ERC2: variants seen among roughly 807,000 people sequenced by gnomAD.
ERC2 encodes the protein ELKS/RAB6-interacting/CAST family member 2.
A neutral mutation model predicts 114.8 loss-of-function variants in ERC2; 42 were observed. That is an observed-to-expected ratio of 0.37 (90% CI 0.29 to 0.47). The LOEUF (loss-of-function observed/expected upper bound fraction) is 0.47, where lower values mean the gene tolerates loss of function less well. ERC2 is among the 20% of genes least tolerant of loss of function. The pLI is 0.99. For missense variants in ERC2, 939 were observed against 1,150.7 expected (o/e 0.82, Z 2.66); for synonymous variants, 454 against 425.5 (o/e 1.07, Z -0.82).
At chr3:56,059,397 A>G (rs922776789) in intron 7 of ERC2, among the ~76,000 whole-genome samples, 2 of 152,068 alleles carry the variant, frequency 1.3e-5, no homozygotes, top group African/African-American at 2.4e-5. Context: ...CCACATAGAG[A>G]TATTTATATG....
chr3:56,342,826 A>G (rs936262910), intron 2 of ERC2, among the ~76,000 whole-genome samples: 2 of 152,206 alleles, frequency 1.3e-5, no homozygotes, highest in African/African-American at 4.8e-5. Context: ...AGTCATTAAG[A>G]ATCTGAGAAA....
intron 14 of ERC2, among the ~76,000 whole-genome samples, chr3:55,754,494 A>G (rs1187345905): frequency 1.6e-5 from 2 of 128,146 alleles, no homozygotes; most frequent in Non-Finnish European, 3.5e-5. Context: ...CTTCAGAGCC[A>G]AAAAGCTTTC....
At chr3:55,766,500 C>T (rs2067803634) in intron 14 of ERC2, among the ~76,000 whole-genome samples, 1 of 152,074 alleles carries the variant, frequency 6.6e-6, no homozygotes, top group African/African-American at 2.4e-5. Context: ...GCTTTCCTGC[C>T]CAGCCTTGGA....
At chr3:55,719,525 A>C (rs2064324018) in intron 15 of ERC2, among the ~76,000 whole-genome samples, 1 of 151,922 alleles carries the variant, frequency 6.6e-6, no homozygotes, top group African/African-American at 2.4e-5. Flanking sequence ...GAAGATTAAG[A>C]CTCCTAAACT....
At chr3:55,538,437 C>T (rs140853971) in intron 17 of ERC2, among the ~76,000 whole-genome samples, 19 of 152,332 alleles carry the variant, frequency 1.2e-4, no homozygotes, top group South Asian at 4.1e-4. Flanking sequence ...AGCCTCAACT[C>T]GGATGCCGAG....
chr3:55,537,332 C>T (rs558159658), intron 17 of ERC2, among the ~76,000 whole-genome samples: 2 of 152,186 alleles, frequency 1.3e-5, no homozygotes, highest in Middle Eastern at 3.2e-3. Flanking sequence ...GGTTTCCCCC[C>T]CTGAAGTGAC....
chr3:56,254,098 G>C (rs568856594), intron 3 of ERC2, among the ~76,000 whole-genome samples: 3 of 152,232 alleles, frequency 2.0e-5, no homozygotes, highest in Non-Finnish European at 4.4e-5. Flanking sequence ...GAGGGCTAGC[G>C]CCCAAGTTTC....
intron 17 of ERC2, among the ~76,000 whole-genome samples, chr3:55,655,874 T>G (rs2060836331): frequency 6.6e-6 from 1 of 152,230 alleles, no homozygotes; most frequent in Non-Finnish European, 1.5e-5. Context: ...CTAAACCCTT[T>G]GCATTCTTTT....
intron 3 of ERC2, among the ~76,000 whole-genome samples, chr3:56,222,279 G>A (rs1375451963): frequency 6.6e-6 from 1 of 152,164 alleles, no homozygotes; most frequent in Non-Finnish European, 1.5e-5. Flanking sequence ...TGTGAGAAAT[G>A]TCCACAACAT....
At chr3:55,970,429 A>G (rs2069074910) in intron 12 of ERC2, among the ~76,000 whole-genome samples, 1 of 151,930 alleles carries the variant, frequency 6.6e-6, no homozygotes. Flanking sequence ...TACAAGAAAA[A>G]CTAACAGTCA....
intron 14 of ERC2, among the ~76,000 whole-genome samples, chr3:55,874,590 G>A (rs181851733): frequency 0.014 from 2,153 of 151,066 alleles, 46 homozygotes; most frequent in African/African-American, 0.05. Context: ...GATTTGTTAA[G>A]TCATTCTAAC....
At chr3:56,197,932 T>C (rs1018742557) in intron 3 of ERC2, among the ~76,000 whole-genome samples, 1 of 152,172 alleles carries the variant, frequency 6.6e-6, no homozygotes, top group Non-Finnish European at 1.5e-5. Context: ...GAAATATGCA[T>C]CTAGAAACAC....
At position 56,080,919 on chromosome 3, in the gene ERC2, T is replaced by C; in HGVS notation, c.1539A>G (p.Leu513=). ...TCCCCTTCTCTTCTGTGAGGTCCTGTAGCTGTTTTGTTTTTTTATTGAGGA... is the reference window on the plus strand; with the variant it reads ...TCCCCTTCTCTTCTGTGAGGTCCTGCAGCTGTTTTGTTTTTTTATTGAGGA... ...ESFLNKKTKQ[L]QDLTEEKGTL... Residue 513 remains leucine (L), a synonymous_variant, in exon 7 of 18, where the codon CTA becomes CTG. Coordinates refer to ENST00000288221, the MANE Select transcript of ERC2 (RefSeq NM_015576.3). The C allele has an allele frequency of 6.2e-7, 1 of 1,613,716 alleles. No homozygotes were observed. The highest frequency in any genetic ancestry group is 1.7e-5 in the Admixed American group (1 of 59,974).
intron 17 of ERC2, among the ~76,000 whole-genome samples, chr3:55,643,190 T>C (rs2060258770): frequency 6.6e-6 from 1 of 152,194 alleles, no homozygotes; most frequent in Non-Finnish European, 1.5e-5. Context: ...AATTTAAAAA[T>C]GGGATTGGCA....
chr3:55,915,046 A>G (rs535771416), intron 13 of ERC2, among the ~76,000 whole-genome samples: 11 of 152,144 alleles, frequency 7.2e-5, no homozygotes, highest in Non-Finnish European at 1.6e-4. Flanking sequence ...TATTTCATAC[A>G]CACTTTTTAA....
intron 4 of ERC2, among the ~76,000 whole-genome samples, chr3:56,164,843 G>A (rs1441211177): frequency 3.9e-5 from 6 of 151,982 alleles, no homozygotes; most frequent in Admixed American, 3.3e-4. Context: ...CCCTAATGAC[G>A]AATGATGTTC....
At chr3:56,449,352 C>A (rs2062728117) in intron 1 of ERC2, among the ~76,000 whole-genome samples, 1 of 152,192 alleles carries the variant, frequency 6.6e-6, no homozygotes, top group Non-Finnish European at 1.5e-5. Flanking sequence ...TGGGCACCTG[C>A]ATTGGTCCCT....
At position 55,976,447 on chromosome 3, in the gene ERC2, C is replaced by T. The variant is rs571591930; in HGVS notation, c.2267+9530G>A. ...ATGCCTTTTTTACAGCTTCAAATTACGCATAATTTCTACCTCCTTATAACT... is the reference window on the plus strand; with the variant it reads ...ATGCCTTTTTTACAGCTTCAAATTATGCATAATTTCTACCTCCTTATAACT... On this transcript the variant is annotated intron_variant, in intron 12 of 17. Coordinates refer to ENST00000288221, the MANE Select transcript of ERC2 (RefSeq NM_015576.3). Among the ~76,000 whole-genome samples, 96 of 152,282 alleles carry T rather than the reference C, an allele frequency of 6.3e-4. 1 individual carries two copies. In the South Asian group the frequency reaches 0.018, roughly 29 times the overall value.
intron 14 of ERC2, among the ~76,000 whole-genome samples, chr3:55,836,869 G>A (rs1365892254): frequency 4.1e-4 from 62 of 152,046 alleles, no homozygotes; most frequent in South Asian, 2.1e-4. Context: ...ACAAAGGGCT[G>A]ATATCCAGAA....
Sources: gnomAD v4.1 joint callset for allele counts (sites outside exome capture counted in the v4.1 genomes callset) on GRCh38, gnomAD v4.1.1 for gene constraint, MANE v1.5 for transcripts, NCBI Gene and HGNC (gene_info 2026-07-23, HGNC 2026-07-21) for gene names.